The following TBX15 variants were observed in gnomAD, a reference collection of about 807,000 sequenced individuals.
The protein encoded by TBX15 is T-box transcription factor TBX15.
Under a neutral mutation model 53.9 loss-of-function variants are expected in TBX15, and 18 were observed. The observed-to-expected ratio is 0.33, with a 90% CI of 0.23 to 0.49. TBX15 has a LOEUF of 0.49. Among genes scored for constraint, TBX15 ranks in the 20% least tolerant of loss-of-function variants. The pLI, the probability that TBX15 is intolerant of heterozygous loss-of-function variation, is 0.98. For missense variants in TBX15, 692 were observed against 749.5 expected (o/e 0.92, Z 0.90); for synonymous variants, 295 against 278.0 (o/e 1.06, Z -0.61).
At chr1:118,915,169 G>A (rs1655157333) in intron 5 of TBX15, among the ~76,000 whole-genome samples, 1 of 152,134 alleles carries the variant, frequency 6.6e-6, no homozygotes, top group African/African-American at 2.4e-5. Flanking sequence ...TGGAGACTTA[G>A]GCATAGGTGC....
chr1:118,893,883 A>T (rs1654304231), intron 7 of TBX15, among the ~76,000 whole-genome samples: 1 of 152,212 alleles, frequency 6.6e-6, no homozygotes, highest in Admixed American at 6.5e-5. Context: ...CTCAACCAAC[A>T]GGGAGTGTTT....
At position 118,885,014 on chromosome 1, in the gene TBX15, G is replaced by A. The variant is rs1653882794; in HGVS notation, c.1527C>T (p.Phe509=). Residue 509 remains phenylalanine, a synonymous_variant, in exon 8 of 8, where the codon TTC becomes TTT. Transcript: ENST00000369429. The part of the protein sequence containing the change: ...SHMQQSSYNA[F]SLHNPYNLYG... ...ACAGGTTGTAAGGGTTGTGAAGGGA[G>A]AAGGCATTGTAGGAGCTCTGCTGCA... The A allele has an allele frequency of 6.2e-7, 1 of 1,614,050 alleles. No homozygotes were observed. The highest frequency in any genetic ancestry group is 1.7e-5 in the Admixed American group (1 of 60,006).
intron 7 of TBX15, among the ~76,000 whole-genome samples, chr1:118,893,609 AAG>A (rs1557873071): frequency 6.9e-6 from 1 of 145,336 alleles, no homozygotes; most frequent in Non-Finnish European, 1.5e-5. Context: ...GAAAGAAAGA[AAG>A]AAAGAGAGAG....
chr1:118,978,384 CA>C (rs890565255), intron 1 of TBX15, among the ~76,000 whole-genome samples: 5 of 152,116 alleles, frequency 3.3e-5, no homozygotes, highest in African/African-American at 1.2e-4. Context: ...TTTCAAAAAG[CA>C]AAACCAAAGT....
At chr1:118,978,183 A>T (rs142032603) in intron 1 of TBX15, among the ~76,000 whole-genome samples, 10 of 152,370 alleles carry the variant, frequency 6.6e-5, no homozygotes, top group African/African-American at 2.4e-4. Context: ...TGATATTAAT[A>T]TAAAAACTTT....
intron 1 of TBX15, among the ~76,000 whole-genome samples, chr1:118,952,486 A>G (rs1656547302): frequency 1.3e-5 from 2 of 152,170 alleles, no homozygotes; most frequent in Admixed American, 1.3e-4. Context: ...TAAATTCTCA[A>G]TTATTTTAAG....
At chr1:118,981,606 G>T (rs1571221831) in intron 1 of TBX15, among the ~76,000 whole-genome samples, 1 of 152,346 alleles carries the variant, frequency 6.6e-6, no homozygotes, top group Non-Finnish European at 1.5e-5. Context: ...CAGTCAGCAA[G>T]ATATCCTGCC....
chr1:118,914,176 T>G lies in TBX15; in HGVS notation c.865A>C (p.Thr289Pro). 6.2e-7 allele frequency: 1 copy of G among 1,613,576 alleles called. No individual in the cohort carries two copies. Among genetic ancestry groups the G allele is most frequent in the Non-Finnish European group, 8.5e-7 (1 of 1,179,626 alleles). ...GGGTTTCGGTCAATTTTTAATCTGGTAATCTGGAAACAAACAAATAAGTAT... is the reference window on the plus strand; with the variant it reads ...GGGTTTCGGTCAATTTTTAATCTGGGAATCTGGAAACAAACAAATAAGTAT... ...TVTAYQNQQITRLKIDRNPFA... is the reference protein window; with the variant it reads ...TVTAYQNQQIPRLKIDRNPFA... Residue 289 changes from threonine (T) to proline (P), a missense_variant, in exon 6 of 8, where the codon ACC (threonine) becomes CCC (proline). Thr to Pro is a conservative substitution (Grantham distance 38). Transcript: ENST00000369429.
At position 118,884,570 on chromosome 1, in the gene TBX15, G is replaced by A. The variant is rs895137867; in HGVS notation, c.*162C>T. On this transcript the variant is annotated 3_prime_UTR_variant, in exon 8 of 8. Coordinates refer to ENST00000369429, the MANE Select transcript of TBX15 (RefSeq NM_001330677.2). ...CGCAAGTATCCTTCACTGGCTTAAA[G>A]GTATCTCTTGTTCTTGGGTATATGT... 5 of 835,290 alleles carry A rather than the reference G, an allele frequency of 6.0e-6. No homozygotes were observed. The highest frequency in any genetic ancestry group is 9.1e-6 in the Non-Finnish European group (5 of 551,216). 51.7% of individuals were successfully genotyped at this position (835,290 alleles called of 1,614,324 possible). A position where few individuals can be genotyped will look rare whatever the true frequency, so the allele number is the denominator to read the frequency against.
intron 6 of TBX15, among the ~76,000 whole-genome samples, chr1:118,904,160 G>A (rs1323090829): frequency 6.6e-6 from 1 of 152,128 alleles, no homozygotes; most frequent in African/African-American, 2.4e-5. Flanking sequence ...TTCCATGACA[G>A]GTGCTTAGAT....
chr1:118,948,668 T>C (rs1369838352), intron 1 of TBX15, among the ~76,000 whole-genome samples: 3 of 152,190 alleles, frequency 2.0e-5, no homozygotes, highest in Non-Finnish European at 4.4e-5. Flanking sequence ...GTTTTTCAAC[T>C]TCACAAAGAA....
intron 1 of TBX15, among the ~76,000 whole-genome samples, 196 bp downstream of exon 1, chr1:118,987,395 A>C (rs1657873349): frequency 6.6e-6 from 1 of 152,260 alleles, no homozygotes; most frequent in African/African-American, 2.4e-5. Flanking sequence ...ACGAAAATGC[A>C]AGGCTCAGTC....
chr1:118,925,576 C>T (rs931707427), intron 3 of TBX15, among the ~76,000 whole-genome samples: 12 of 152,330 alleles, frequency 7.9e-5, no homozygotes, highest in African/African-American at 2.2e-4. Flanking sequence ...TCAGAAGAAA[C>T]ATCTCCATGG....
rs992385298 is a variant in TBX15 at position 118,988,324 on chromosome 1, G to A, written c.-529C>T. 2.0e-5 allele frequency: 3 copies of A among 153,588 alleles called. No homozygotes were observed. The highest frequency in any genetic ancestry group is 6.5e-5 in the Admixed American group (1 of 15,382). The allele number at this position is 153,588 out of a possible 1,614,324, so 9.5% of individuals were successfully genotyped here. A position where few individuals can be genotyped will look rare whatever the true frequency, so the allele number is the denominator to read the frequency against. The stretch of plus-strand genomic sequence containing the variant: ...GCAGGCGGTGCGCTCCTGTCCGAGG[G>A]GTGAGGGAGAGGGAGGGGGAGGAAG... On this transcript the variant is annotated 5_prime_UTR_variant, in exon 1 of 8. Coordinates refer to ENST00000369429, the MANE Select transcript of TBX15 (RefSeq NM_001330677.2).
chr1:118,913,324 A>G (rs1258477553), intron 6 of TBX15, among the ~76,000 whole-genome samples: 1 of 152,162 alleles, frequency 6.6e-6, no homozygotes, highest in East Asian at 1.9e-4. Context: ...AATACTGTCT[A>G]TACAAGATGA....
At chr1:118,954,534 C>A (rs569060052) in intron 1 of TBX15, among the ~76,000 whole-genome samples, 1 of 152,178 alleles carries the variant, frequency 6.6e-6, no homozygotes, top group Non-Finnish European at 1.5e-5. Context: ...TCATCAAGAG[C>A]ATTCACTTGG....
At chr1:118,962,872 A>G (rs952127350) in intron 1 of TBX15, among the ~76,000 whole-genome samples, 1 of 152,250 alleles carries the variant, frequency 6.6e-6, no homozygotes, top group Admixed American at 6.5e-5. Context: ...TAATTAAATT[A>G]CAAGTTGGTA....
intron 1 of TBX15, among the ~76,000 whole-genome samples, chr1:118,965,697 T>C (rs775759570): frequency 2.0e-4 from 30 of 151,922 alleles, no homozygotes; most frequent in Admixed American, 3.9e-4. Flanking sequence ...CAATAAACAT[T>C]ATGAAAGATC....
At chr1:118,939,775 C>T (rs1183626943) in intron 1 of TBX15, among the ~76,000 whole-genome samples, 1 of 151,690 alleles carries the variant, frequency 6.6e-6, no homozygotes, top group East Asian at 1.9e-4. Flanking sequence ...GAACAATATG[C>T]AAAAGTTTCA....
Sources: gnomAD v4.1 joint callset for allele counts (sites outside exome capture counted in the v4.1 genomes callset) on GRCh38, gnomAD v4.1.1 for gene constraint, MANE v1.5 for transcripts, NCBI Gene and HGNC (gene_info 2026-07-23, HGNC 2026-07-21) for gene names.